Variants in ANKS1B observed in about 807,000 individuals in gnomAD.
ANKS1B encodes ankyrin repeat and sterile alpha motif domain-containing protein 1B.
In ANKS1B, 36 loss-of-function variants were observed where a neutral mutation model predicts 148.3. The ratio of observed to expected loss-of-function variants is 0.24; its 90% CI spans 0.19 to 0.32. ANKS1B has a LOEUF of 0.32. Among genes scored for constraint, ANKS1B ranks in the 10% least tolerant of loss-of-function variants. ANKS1B has a pLI of 1.00. For missense variants in ANKS1B, 1,157 were observed against 1,542.6 expected (o/e 0.75, Z 4.19); for synonymous variants, 542 against 560.8 (o/e 0.97, Z 0.47).
chr12:99,537,957 T>G (rs374749807), intron 9 of ANKS1B, among the ~76,000 whole-genome samples: 1 of 152,176 alleles, frequency 6.6e-6, no homozygotes, highest in Middle Eastern at 3.2e-3. Flanking sequence ...AGGGGTCTTG[T>G]TTCATTATTC....
intron 17 of ANKS1B, among the ~76,000 whole-genome samples, chr12:99,034,949 A>G (rs1330668310): frequency 1.3e-5 from 2 of 152,184 alleles, no homozygotes; most frequent in African/African-American, 4.8e-5. Flanking sequence ...GTCAGGAGAT[A>G]CCACCTCAGT....
At chr12:99,649,556 C>T (rs766006652) in intron 9 of ANKS1B, 16 of 599,232 alleles carry the variant, frequency 2.7e-5, no homozygotes, top group Non-Finnish European at 4.4e-5. Flanking sequence ...ACCAAGTCTG[C>T]AGACTCAGGA....
chr12:99,254,756 A>G (rs926852878), intron 12 of ANKS1B, among the ~76,000 whole-genome samples: 2 of 152,216 alleles, frequency 1.3e-5, no homozygotes, highest in East Asian at 1.9e-4. Flanking sequence ...GTTTTTCTGC[A>G]TCTGTTCAGT....
Position 99,120,070 on chromosome 12 carries a change from A to G in ANKS1B, c.2526+34219T>C, listed in dbSNP as rs12313550. On this transcript the variant is annotated intron_variant, in intron 15 of 26. Coordinates refer to ENST00000683438, the MANE Select transcript of ANKS1B (RefSeq NM_001352186.2). ...GTCGCCTGTCCCGGCAACTCAGGGC[A>G]CCAGGTGGGAACGCACCCTGGACGG... is the stretch of plus-strand genomic sequence containing the variant. Among the ~76,000 whole-genome samples the G allele has an allele frequency of 6.5e-3, 987 of 152,370 alleles. 16 individuals are homozygous for G. The highest frequency in any genetic ancestry group is 0.023 in the African/African-American group (952 of 41,592).
At chr12:99,020,708 TATA>T (rs2099945284) in intron 17 of ANKS1B, among the ~76,000 whole-genome samples, 1 of 152,158 alleles carries the variant, frequency 6.6e-6, no homozygotes, top group South Asian at 2.1e-4. Flanking sequence ...TTAAAACATA[TATA>T]CACTGTCTTT....
At chr12:99,649,293 T>C (rs565188798) in intron 9 of ANKS1B, 2 of 1,613,456 alleles carry the variant, frequency 1.2e-6, no homozygotes, top group South Asian at 2.2e-5. Flanking sequence ...CCTAGGGATA[T>C]GCCATGAAGT....
At chr12:99,064,781 T>A (rs191313169) in intron 16 of ANKS1B, among the ~76,000 whole-genome samples, 123 of 152,310 alleles carry the variant, frequency 8.1e-4, no homozygotes, top group African/African-American at 2.8e-3. Flanking sequence ...AGTAGACATA[T>A]AACATGGTCC....
intron 1 of ANKS1B, among the ~76,000 whole-genome samples, chr12:99,953,016 T>G (rs951727148): frequency 6.6e-6 from 1 of 152,152 alleles, no homozygotes; most frequent in African/African-American, 2.4e-5. Context: ...AAAGCAGATA[T>G]CCAATGATTG....
At chr12:99,197,141 T>C (rs1460289925) in intron 14 of ANKS1B, among the ~76,000 whole-genome samples, 1 of 152,150 alleles carries the variant, frequency 6.6e-6, no homozygotes, top group African/African-American at 2.4e-5. Context: ...TATTGTACTA[T>C]GATTGGTAGC....
chr12:99,656,320 T>G (rs1295641620), intron 8 of ANKS1B, among the ~76,000 whole-genome samples: 2 of 152,052 alleles, frequency 1.3e-5, no homozygotes, highest in Non-Finnish European at 2.9e-5. Flanking sequence ...GGTCTATAAA[T>G]AAGCAGGAAA....
chr12:99,169,055 ATTC>A (rs1257678851), intron 14 of ANKS1B, among the ~76,000 whole-genome samples: 130 of 152,302 alleles, frequency 8.5e-4, no homozygotes, highest in African/African-American at 2.9e-3. Flanking sequence ...TTTATACTTT[ATTC>A]ATTTCTTCAG....
At position 99,523,372 on chromosome 12, in the gene ANKS1B, C is replaced by T. The variant is rs552467571; in HGVS notation, c.1273-18731G>A. Among the ~76,000 whole-genome samples, 45 of 152,268 alleles carry T rather than the reference C, an allele frequency of 3.0e-4. 1 individual carries two copies. The East Asian group carries it at 3.9e-3, about 13-fold the overall frequency. On this transcript the variant is annotated intron_variant, in intron 9 of 26. Transcript: ENST00000683438. The stretch of plus-strand genomic sequence containing the variant: ...GTAAAATAGTGATTAGAATTGTTAT[C>T]TATCTCTAAGGAAGTAGAAATAATG...
chr12:98,980,653 T>C (rs2099908604), intron 17 of ANKS1B, among the ~76,000 whole-genome samples: 1 of 152,244 alleles, frequency 6.6e-6, no homozygotes, highest in Admixed American at 6.5e-5. Flanking sequence ...TGCTGAAGAT[T>C]ATAAATGCCA....
chr12:98,775,389 C>T (rs2098660952), intron 24 of ANKS1B, among the ~76,000 whole-genome samples: 1 of 152,110 alleles, frequency 6.6e-6, no homozygotes, highest in South Asian at 2.1e-4. Flanking sequence ...ATCTTTGGTA[C>T]TCTCTCCTCC....
chr12:99,044,196 A>G (rs1487967458), intron 17 of ANKS1B, among the ~76,000 whole-genome samples: 1 of 152,146 alleles, frequency 6.6e-6, no homozygotes, highest in Non-Finnish European at 1.5e-5. Flanking sequence ...CTTTAACAGA[A>G]ATATAGCTGG....
intron 17 of ANKS1B, among the ~76,000 whole-genome samples, chr12:99,025,512 T>C (rs1370408057): frequency 6.6e-6 from 1 of 152,220 alleles, no homozygotes; most frequent in African/African-American, 2.4e-5. Flanking sequence ...AAGAAGTCCA[T>C]GTCAGGCTGT....
chr12:99,871,617 A>G (rs1318828343), intron 1 of ANKS1B, among the ~76,000 whole-genome samples: 1 of 152,172 alleles, frequency 6.6e-6, no homozygotes, highest in East Asian at 1.9e-4. Flanking sequence ...CCTTGTAGAA[A>G]TATTTCACCT....
intron 9 of ANKS1B, among the ~76,000 whole-genome samples, chr12:99,577,618 G>C (rs2097531158): frequency 6.6e-6 from 1 of 151,902 alleles, no homozygotes; most frequent in Non-Finnish European, 1.5e-5. Context: ...ACAGAAACTA[G>C]AAGAAATGTA....
chr12:99,329,899 A>G (rs2087172421), intron 12 of ANKS1B, among the ~76,000 whole-genome samples: 1 of 151,892 alleles, frequency 6.6e-6, no homozygotes, highest in South Asian at 2.1e-4. Context: ...ACATCATATG[A>G]TGTATTAATA....
Sources: gnomAD v4.1 joint callset for allele counts (sites outside exome capture counted in the v4.1 genomes callset) on GRCh38, gnomAD v4.1.1 for gene constraint, MANE v1.5 for transcripts, NCBI Gene and HGNC (gene_info 2026-07-23, HGNC 2026-07-21) for gene names.